Variants in NEDD4L observed in about 807,000 individuals in gnomAD.
NEDD4L encodes the protein E3 ubiquitin-protein ligase NEDD4-like.
In NEDD4L, 54 loss-of-function variants were observed where a neutral mutation model predicts 148.9. The observed-to-expected ratio is 0.36, with a 90% CI of 0.29 to 0.45. The LOEUF (loss-of-function observed/expected upper bound fraction) is 0.45. Ranked by LOEUF, NEDD4L falls within the 20% of genes least tolerant of loss-of-function variation. The probability of loss-of-function intolerance (pLI) is 1.00; values close to 1 mark genes in which losing one functional copy is unlikely to be tolerated. For synonymous variants in NEDD4L, 433 were observed against 440.7 expected (o/e 0.98, Z 0.22); for missense variants, 856 against 1,233.8 (o/e 0.69, Z 4.59).
At chr18:58,108,282 A>G (rs930762051) in intron 1 of NEDD4L, among the ~76,000 whole-genome samples, 7 of 152,198 alleles carry the variant, frequency 4.6e-5, no homozygotes, top group African/African-American at 1.7e-4. Context: ...GGGAGAGATC[A>G]TTTGGGTCTC....
intron 1 of NEDD4L, among the ~76,000 whole-genome samples, chr18:58,084,707 G>GTGTGTGTGTA (rs1294657103): frequency 2.6e-5 from 4 of 151,442 alleles, no homozygotes; most frequent in Non-Finnish European, 5.9e-5. Context: ...GTGTGTGTGT[G>GTGTGTGTGTA]TGTTTGAGAC....
At chr18:58,064,025 C>T (rs111377621) in intron 1 of NEDD4L, among the ~76,000 whole-genome samples, 30 of 125,678 alleles carry the variant, frequency 2.4e-4, no homozygotes, top group Non-Finnish European at 3.7e-4. Flanking sequence ...AGTGCAGTGG[C>T]GTGATCTCGG....
chr18:58,212,171 G>C (rs1414223957), intron 2 of NEDD4L, among the ~76,000 whole-genome samples: 2 of 152,078 alleles, frequency 1.3e-5, no homozygotes, highest in Non-Finnish European at 2.9e-5. Context: ...CACTCTGTCA[G>C]GCTGGAGTGC....
intron 28 of NEDD4L, 99 bp from the exon 29 acceptor site, chr18:58,390,547 T>C (rs540820513): frequency 5.0e-5 from 37 of 745,818 alleles, no homozygotes; most frequent in South Asian, 3.4e-4. Context: ...AGGTCTTACA[T>C]TGCAATATAA....
intron 2 of NEDD4L, chr18:58,197,922 C>T (rs2040912743): frequency 6.6e-6 from 1 of 152,250 alleles, no homozygotes; most frequent in African/African-American, 2.4e-5. Context: ...CACACACTCT[C>T]CAGTGGGTGG....
At chr18:58,337,934 G>A (rs1184336320) in intron 13 of NEDD4L, among the ~76,000 whole-genome samples, 3 of 152,172 alleles carry the variant, frequency 2.0e-5, no homozygotes, top group Admixed American at 1.3e-4. Context: ...CCCTCCCCAT[G>A]AGATAAAAGG....
intron 1 of NEDD4L, among the ~76,000 whole-genome samples, chr18:58,115,259 T>C (rs1303720560): frequency 6.6e-6 from 1 of 150,476 alleles, no homozygotes; most frequent in Non-Finnish European, 1.5e-5. Context: ...TTTTTTTTTT[T>C]TTCTGGTTCT....
chr18:58,164,426 T>C (rs2036596682), intron 1 of NEDD4L, among the ~76,000 whole-genome samples: 1 of 152,188 alleles, frequency 6.6e-6, no homozygotes, highest in Admixed American at 6.5e-5. Flanking sequence ...TAGAAGTGCC[T>C]CAAGTGACTA....
At chr18:58,391,947 A>G (rs769143166) in intron 30 of NEDD4L, among the ~76,000 whole-genome samples, 1 of 152,248 alleles carries the variant, frequency 6.6e-6, no homozygotes, top group African/African-American at 2.4e-5. Context: ...TACCCTGTAG[A>G]AACATCCTTT....
chr18:58,136,780 C>T (rs959438052), intron 1 of NEDD4L, among the ~76,000 whole-genome samples: 1 of 152,118 alleles, frequency 6.6e-6, no homozygotes, highest in Non-Finnish European at 1.5e-5. Flanking sequence ...TTTGGGTACT[C>T]TTTTTTTGTT....
intron 1 of NEDD4L, among the ~76,000 whole-genome samples, chr18:58,132,172 G>T (rs539303397): frequency 2.8e-4 from 43 of 152,274 alleles, no homozygotes; most frequent in African/African-American, 9.4e-4. Flanking sequence ...CTCCATCAGT[G>T]CGTTCAGTCT....
chr18:58,285,224 C>T (rs1227223665), intron 5 of NEDD4L, among the ~76,000 whole-genome samples: 1 of 152,098 alleles, frequency 6.6e-6, no homozygotes, highest in Non-Finnish European at 1.5e-5. Context: ...GTGCTGGAAG[C>T]CTAAGGACTA....
intron 5 of NEDD4L, among the ~76,000 whole-genome samples, chr18:58,311,879 G>A (rs760623133): frequency 6.6e-6 from 1 of 152,204 alleles, no homozygotes; most frequent in Non-Finnish European, 1.5e-5. Context: ...TTTCACTGGA[G>A]CGATTATAAT....
At chr18:58,349,504 T>C (rs756062234) in intron 16 of NEDD4L, 33 bp from the exon 17 acceptor site, 3 of 1,557,066 alleles carry the variant, frequency 1.9e-6, no homozygotes, top group Non-Finnish European at 1.8e-6. Context: ...TACTTCCACT[T>C]AGCATCTACT....
intron 20 of NEDD4L, 124 bp from the exon 21 acceptor site, chr18:58,365,875 A>G (rs968101143): frequency 7.7e-6 from 5 of 646,010 alleles, no homozygotes; most frequent in Non-Finnish European, 1.3e-5. Flanking sequence ...CTCAGTTGGA[A>G]CCATTTGTCA....
At chr18:58,161,958 G>A (rs573723549) in intron 1 of NEDD4L, among the ~76,000 whole-genome samples, 24 of 152,202 alleles carry the variant, frequency 1.6e-4, no homozygotes, top group Admixed American at 5.2e-4. Context: ...TTGCATGTCC[G>A]GGTAGAAAAG....
chr18:58,113,996 G>A (rs967442110), intron 1 of NEDD4L, among the ~76,000 whole-genome samples: 8 of 152,150 alleles, frequency 5.3e-5, no homozygotes, highest in South Asian at 2.1e-4. Flanking sequence ...GGGTATGTGC[G>A]CTCTCATACC....
At chr18:58,063,775 C>T (rs547281312) in intron 1 of NEDD4L, among the ~76,000 whole-genome samples, 27 of 150,636 alleles carry the variant, frequency 1.8e-4, no homozygotes, top group South Asian at 8.4e-4. Flanking sequence ...CATATTGTCT[C>T]GAACTCCTGA....
intron 2 of NEDD4L, among the ~76,000 whole-genome samples, chr18:58,195,894 C>T (rs2040632277): frequency 6.6e-6 from 1 of 152,124 alleles, no homozygotes; most frequent in Admixed American, 6.5e-5. Context: ...GTCCATTAGA[C>T]ATTTTTTGCA....
Sources: gnomAD v4.1 joint callset for allele counts (sites outside exome capture counted in the v4.1 genomes callset) on GRCh38, gnomAD v4.1.1 for gene constraint, MANE v1.5 for transcripts, NCBI Gene and HGNC (gene_info 2026-07-23, HGNC 2026-07-21) for gene names.